The following TEF variants were observed in gnomAD, a reference collection of about 807,000 sequenced individuals.
TEF encodes thyrotroph embryonic factor.
In TEF, 3 loss-of-function variants were observed where a neutral mutation model predicts 20.8. The ratio of observed to expected loss-of-function variants is 0.14; its 90% CI spans 0.07 to 0.37. TEF has a LOEUF of 0.37. Ranked by LOEUF, TEF falls within the 10% of genes least tolerant of loss-of-function variation. The pLI, the probability that TEF is intolerant of heterozygous loss-of-function variation, is 1.00. For missense variants in TEF, 296 were observed against 397.9 expected (o/e 0.74, Z 2.18); for synonymous variants, 180 against 171.1 (o/e 1.05, Z -0.41).
At chr22:41,373,875 C>T (rs1293564542) in intron 1 of TEF, among the ~76,000 whole-genome samples, 2 of 151,698 alleles carry the variant, frequency 1.3e-5, no homozygotes, top group Admixed American at 6.6e-5. Context: ...GCGATTCTCC[C>T]GTCTCAGTCT....
chr22:41,388,490 G>A (rs1207636102), intron 2 of TEF, among the ~76,000 whole-genome samples: 1 of 151,410 alleles, frequency 6.6e-6, no homozygotes, highest in Non-Finnish European at 1.5e-5. Context: ...CCAAAGTGGG[G>A]AATGCTTTCT....
At chr22:41,378,343 CTTTTTTTTT>C (rs58676366), upstream of TEF, among the ~76,000 whole-genome samples, 1 of 83,558 alleles carries the variant, frequency 1.2e-5, no homozygotes, top group African/African-American at 5.0e-5. Flanking sequence ...TAACTTTTGC[CTTTTTTTTT>C]TTTTTTTTTT....
chr22:41,376,880 G>A (rs947848800), intron 1 of TEF, among the ~76,000 whole-genome samples: 2 of 152,246 alleles, frequency 1.3e-5, no homozygotes, highest in Non-Finnish European at 1.5e-5. Context: ...GGTTTAGACA[G>A]GAGAAGTCGC....
In TEF at chr22:41,387,647, T is replaced by C. The variant is rs987433444; in HGVS notation, c.454T>C (p.Ser152Pro). Residue 152 changes from serine to proline, a missense_variant, in exon 2 of 4, where the codon TCT becomes CCT. Coordinates refer to ENST00000266304, the MANE Select transcript of TEF (RefSeq NM_003216.4). ...CTCCTCCACTGCCATCTTTCAGCCC[T>C]CTGAAACCGTGTCCAGCACAGGTTG... Reference protein sequence around the residue: ...PSSSTAIFQPSETVSSTESSL... With the variant: ...PSSSTAIFQPPETVSSTESSL... The C allele has an allele frequency of 2.5e-6, 4 of 1,613,618 alleles. No individual in the cohort carries two copies. In the African/African-American group the frequency reaches 5.3e-5, roughly 22 times the overall value.
chr22:41,373,461 TTAGA>T (rs1306531948), intron 1 of TEF, among the ~76,000 whole-genome samples: 3 of 152,096 alleles, frequency 2.0e-5, no homozygotes, highest in Non-Finnish European at 2.9e-5. Flanking sequence ...GCTATATGTA[TTAGA>T]TAGTATATTT....
chr22:41,373,374 G>T (rs1397946860), intron 1 of TEF, among the ~76,000 whole-genome samples: 3 of 152,170 alleles, frequency 2.0e-5, no homozygotes, highest in East Asian at 3.8e-4. Flanking sequence ...CTCCCCAAAA[G>T]CTTAACCACT....
intron 1 of TEF, chr22:41,370,124 T>G: frequency 1.0e-6 from 1 of 984,070 alleles, no homozygotes; most frequent in Non-Finnish European, 1.2e-6. Context: ...TTCCCCCTTT[T>G]TTTTTTTTGA....
intron 2 of TEF, 39 bp downstream of exon 2, chr22:41,387,707 C>A: frequency 6.4e-7 from 1 of 1,553,940 alleles, no homozygotes; most frequent in Non-Finnish European, 8.7e-7. Flanking sequence ...CCTGTCCCAT[C>A]CAGGGAAGTC....
At chr22:41,375,030 C>T (rs547188686) in intron 1 of TEF, among the ~76,000 whole-genome samples, 1 of 152,260 alleles carries the variant, frequency 6.6e-6, no homozygotes, top group East Asian at 1.9e-4. Context: ...CTCCAGAGGC[C>T]CACCTCTGTC....
chr22:41,381,609 G>A (rs1481598982), upstream of TEF, among the ~76,000 whole-genome samples: 1 of 152,198 alleles, frequency 6.6e-6, no homozygotes, highest in Admixed American at 6.5e-5. Flanking sequence ...GGGTTATGAA[G>A]AGGGCGGTGA....
intron 1 of TEF, among the ~76,000 whole-genome samples, chr22:41,368,139 G>A (rs1026541884): frequency 2.0e-5 from 3 of 152,156 alleles, no homozygotes; most frequent in East Asian, 1.9e-4. Flanking sequence ...CAGGCAAAAC[G>A]CGCGAGGGAG....
chr22:41,376,749 A>C (rs1349915045), intron 1 of TEF, among the ~76,000 whole-genome samples: 2 of 151,942 alleles, frequency 1.3e-5, no homozygotes, highest in African/African-American at 2.4e-5. Context: ...GTGGGTACCC[A>C]CCCACTCCAC....
At chr22:41,373,965 T>G (rs936593768) in intron 1 of TEF, among the ~76,000 whole-genome samples, 2 of 151,980 alleles carry the variant, frequency 1.3e-5, no homozygotes, top group African/African-American at 2.4e-5. Context: ...GGTTTCACTA[T>G]GTTGTCCAGG....
intron 2 of TEF, among the ~76,000 whole-genome samples, chr22:41,391,003 GTGGTAGGTACCTGAGCTGC>G (rs1262501064): frequency 6.6e-6 from 1 of 152,112 alleles, no homozygotes; most frequent in Admixed American, 6.6e-5. Flanking sequence ...ACATTCTCAT[GTGGTAGGTACCTGAGCTGC>G]TTGTCTTGCA....
chr22:41,386,926 C>T (rs892181522), intron 1 of TEF, among the ~76,000 whole-genome samples: 2 of 152,024 alleles, frequency 1.3e-5, no homozygotes, highest in East Asian at 1.9e-4. Flanking sequence ...TACCTGTAAT[C>T]CCAGCTACTC....
upstream of TEF, among the ~76,000 whole-genome samples, chr22:41,380,554 C>T (rs1003254409): frequency 6.6e-6 from 1 of 151,842 alleles, no homozygotes; most frequent in Admixed American, 6.6e-5. Context: ...CACTATACCA[C>T]CCCCCCAACC....
chr22:41,369,904 A>C (rs967458968), intron 1 of TEF: 1 of 985,202 alleles, frequency 1.0e-6, no homozygotes, highest in African/African-American at 1.7e-5. Context: ...ATCTCTTTGG[A>C]TGACTGTTTA....
intron 1 of TEF, among the ~76,000 whole-genome samples, chr22:41,371,088 C>T (rs1015794755): frequency 9.2e-5 from 14 of 152,240 alleles, no homozygotes; most frequent in Non-Finnish European, 2.9e-5. Context: ...GGATACTTTT[C>T]CAAGAGTTGA....
chr22:41,370,573 C>T (rs867151023), intron 1 of TEF, among the ~76,000 whole-genome samples: 5 of 151,498 alleles, frequency 3.3e-5, no homozygotes, highest in Non-Finnish European at 7.4e-5. Flanking sequence ...CCACCACGCC[C>T]GGCTAATTTT....
Sources: allele counts gnomAD v4.1 joint callset (sites outside exome capture counted in the v4.1 genomes callset), GRCh38; gene constraint gnomAD v4.1.1; transcripts MANE v1.5; gene names NCBI Gene and HGNC (gene_info 2026-07-23, HGNC 2026-07-21).